Variants in RBFOX1 observed in about 807,000 individuals in gnomAD.
RBFOX1 encodes RNA binding fox-1 homolog 1.
Under a neutral mutation model 57.7 loss-of-function variants are expected in RBFOX1, and 8 were observed. The observed-to-expected ratio is 0.14, with a 90% CI of 0.08 to 0.25. The LOEUF (loss-of-function observed/expected upper bound fraction) is 0.25, where lower values mean the gene tolerates loss of function less well. Among genes scored for constraint, RBFOX1 ranks in the 10% least tolerant of loss-of-function variants. RBFOX1 has a pLI of 1.00. For missense variants in RBFOX1, 611 were observed against 548.5 expected (o/e 1.11, Z -1.14); for synonymous variants, 326 against 222.4 (o/e 1.47, Z -4.15).
At chr16:6,798,847 G>A (rs781188547) in intron 3 of RBFOX1, among the ~76,000 whole-genome samples, 6 of 152,104 alleles carry the variant, frequency 3.9e-5, no homozygotes, top group African/African-American at 1.2e-4. Flanking sequence ...TTCGGGGAGT[G>A]TAATTCAATC....
At chr16:5,718,299 A>G (rs745838201) in intron 3 of RBFOX1, among the ~76,000 whole-genome samples, 4 of 152,240 alleles carry the variant, frequency 2.6e-5, no homozygotes, top group Non-Finnish European at 4.4e-5. Context: ...GAGAAGCACA[A>G]CCAGACCTGA....
At chr16:6,983,786 A>C (rs1383151966) in intron 3 of RBFOX1, 1 of 152,420 alleles carries the variant, frequency 6.6e-6, no homozygotes, top group Non-Finnish European at 1.5e-5. Flanking sequence ...GGTTGCATGC[A>C]CTACTTGTGC....
intron 3 of RBFOX1, among the ~76,000 whole-genome samples, chr16:6,885,084 A>G (rs764256628): frequency 9.9e-5 from 15 of 152,188 alleles, no homozygotes; most frequent in Non-Finnish European, 2.2e-4. Flanking sequence ...TGATACAGAG[A>G]CAGATCAAAC....
chr16:7,384,490 C>A (rs1036712646), intron 4 of RBFOX1, among the ~76,000 whole-genome samples: 1 of 152,250 alleles, frequency 6.6e-6, no homozygotes, highest in African/African-American at 2.4e-5. Context: ...TCATGCCAAA[C>A]ATAGCTGAGT....
At chr16:5,699,857 GGA>G (rs1359523209) in intron 3 of RBFOX1, among the ~76,000 whole-genome samples, 2 of 151,958 alleles carry the variant, frequency 1.3e-5, no homozygotes, top group African/African-American at 4.8e-5. Context: ...TTTTTAAGAC[GGA>G]GTCTTGCTCT....
rs1457452005 is a variant in RBFOX1 at position 6,082,433 on chromosome 16, T to A, written c.-127+62441T>A. Among the ~76,000 whole-genome samples the A allele has an allele frequency of 2.9e-5, 4 of 138,540 alleles. No individual in the cohort carries two copies. In the Admixed American group the frequency reaches 3.3e-4, roughly 12 times the overall value. 90.9% of individuals were successfully genotyped at this position (138,540 alleles called of 152,430 possible). A position where few individuals can be genotyped will look rare whatever the true frequency, so the allele number is the denominator to read the frequency against. Reference sequence around the variant, plus strand: ...TGATCTTGAACTCCTGACCTCAGAGTGCTGGGATTACAGGTTTGAGCCACC... The same window carrying A: ...TGATCTTGAACTCCTGACCTCAGAGAGCTGGGATTACAGGTTTGAGCCACC... On this transcript the variant is annotated intron_variant, in intron 1 of 15. Coordinates refer to ENST00000550418, the MANE Select transcript of RBFOX1 (RefSeq NM_018723.4).
In RBFOX1 at chr16:5,245,242, C is replaced by T. The variant is rs191049388; in HGVS notation, c.219+5137C>T. ...GGATATGTTCCAAAGGACTTACGGA[C>T]CTATCAGGTACTGGAGGTGAATGGT... On this transcript the variant is annotated intron_variant, in intron 1 of 2. Transcript: ENST00000585867. Among the ~76,000 whole-genome samples, 3 of 152,210 alleles carry T rather than the reference C, an allele frequency of 2.0e-5. No individual in the cohort carries two copies. In the East Asian group the frequency reaches 5.8e-4, roughly 29 times the overall value.
intron 3 of RBFOX1, among the ~76,000 whole-genome samples, chr16:5,710,278 T>C (rs2051437174): frequency 6.6e-6 from 1 of 152,138 alleles, no homozygotes; most frequent in Non-Finnish European, 1.5e-5. Flanking sequence ...ACACAGCTTG[T>C]AAGGGCTAGA....
chr16:6,473,446 A>G (rs866246481), intron 2 of RBFOX1, among the ~76,000 whole-genome samples: 2 of 152,008 alleles, frequency 1.3e-5, no homozygotes, highest in African/African-American at 2.4e-5. Flanking sequence ...TCACAAGGCT[A>G]TTTCCCACCC....
intron 2 of RBFOX1, among the ~76,000 whole-genome samples, chr16:6,448,691 C>G (rs1032654284): frequency 1.3e-5 from 2 of 152,236 alleles, no homozygotes; most frequent in South Asian, 2.1e-4. Flanking sequence ...ACTCATGAGA[C>G]TGTCATTTAG....
chr16:7,369,810 G>C (rs1331007304), intron 4 of RBFOX1, among the ~76,000 whole-genome samples: 1 of 152,112 alleles, frequency 6.6e-6, no homozygotes, highest in Non-Finnish European at 1.5e-5. Context: ...GATCATAATA[G>C]CTCCCATTAA....
chr16:5,410,266 G>A (rs1030537875), intron 1 of RBFOX1, among the ~76,000 whole-genome samples: 2 of 151,830 alleles, frequency 1.3e-5, no homozygotes, highest in Non-Finnish European at 2.9e-5. Flanking sequence ...AGCTACTCAG[G>A]AGGCTGAGGC....
chr16:7,426,926 A>G (rs1036092400), intron 4 of RBFOX1, among the ~76,000 whole-genome samples: 9 of 152,204 alleles, frequency 5.9e-5, no homozygotes, highest in African/African-American at 2.2e-4. Flanking sequence ...ATGGAATACT[A>G]TGCAGCCATA....
At chr16:6,254,511 A>C (rs546125314) in intron 1 of RBFOX1, among the ~76,000 whole-genome samples, 1 of 152,150 alleles carries the variant, frequency 6.6e-6, no homozygotes. Context: ...CTGAGTTTGA[A>C]GCTTGATCCC....
At chr16:6,761,699 G>A (rs545972979) in intron 3 of RBFOX1, among the ~76,000 whole-genome samples, 2 of 151,494 alleles carry the variant, frequency 1.3e-5, no homozygotes, top group South Asian at 2.1e-4. Flanking sequence ...TAGAGACGAG[G>A]TTTCACGAAC....
At chr16:6,585,928 A>G (rs775035571) in intron 2 of RBFOX1, among the ~76,000 whole-genome samples, 2 of 152,214 alleles carry the variant, frequency 1.3e-5, no homozygotes, top group African/African-American at 4.8e-5. Flanking sequence ...TTATTTCTGT[A>G]TTAATTAAAG....
intron 2 of RBFOX1, among the ~76,000 whole-genome samples, chr16:5,530,750 C>T (rs1454878319): frequency 6.6e-6 from 1 of 151,978 alleles, no homozygotes; most frequent in African/African-American, 2.4e-5. Flanking sequence ...AGGGGCAAAA[C>T]TATCCCCAGT....
chr16:5,853,238 G>A (rs1405819709), intron 3 of RBFOX1, among the ~76,000 whole-genome samples: 1 of 152,112 alleles, frequency 6.6e-6, no homozygotes, highest in African/African-American at 2.4e-5. Flanking sequence ...TTGATATCCT[G>A]GAGTTGAACA....
intron 1 of RBFOX1, among the ~76,000 whole-genome samples, chr16:5,275,514 AC>A (rs1399039665): frequency 7.2e-5 from 11 of 152,282 alleles, no homozygotes; most frequent in African/African-American, 2.6e-4. Flanking sequence ...AAACTACAAA[AC>A]ACTGCTGAAA....
Sources: allele counts gnomAD v4.1 joint callset (sites outside exome capture counted in the v4.1 genomes callset), GRCh38; gene constraint gnomAD v4.1.1; transcripts MANE v1.5; gene names NCBI Gene and HGNC (gene_info 2026-07-23, HGNC 2026-07-21).